Variants in GRIK2 observed in about 807,000 individuals in gnomAD.
GRIK2 encodes glutamate ionotropic receptor kainate type subunit 2, also known as glutamate receptor ionotropic, kainate 2.
GRIK2 carries 32 observed loss-of-function variants against 100.3 expected under a neutral mutation model. The observed-to-expected ratio is 0.32, with a 90% confidence interval of 0.24 to 0.43. GRIK2 has a LOEUF of 0.43. Among genes scored for constraint, GRIK2 ranks in the 20% least tolerant of loss-of-function variants. The pLI, the probability that GRIK2 is intolerant of heterozygous loss-of-function variation, is 1.00. For missense variants in GRIK2, 843 were observed against 1,114.9 expected (o/e 0.76, Z 3.47); for synonymous variants, 417 against 389.4 (o/e 1.07, Z -0.83).
Position 101,651,499 on chromosome 6 carries a change from T to C in GRIK2, c.541+24862T>C, listed in dbSNP as rs189891206. Among the ~76,000 whole-genome samples the C allele has an allele frequency of 3.2e-4, 49 of 152,240 alleles. No homozygotes were observed. In the Middle Eastern group the frequency reaches 0.02, roughly 63 times the overall value. Reference sequence around the variant, plus strand: ...GAATAAGAAATCAGTGTCATAAATATGTAAATTGTAGAGTATGTTAGAAGG... The same window carrying C: ...GAATAAGAAATCAGTGTCATAAATACGTAAATTGTAGAGTATGTTAGAAGG... On this transcript the variant is annotated intron_variant, in intron 4 of 16. Transcript: ENST00000369134.
At chr6:101,533,319 A>G (rs1468112708) in intron 2 of GRIK2, among the ~76,000 whole-genome samples, 1 of 151,922 alleles carries the variant, frequency 6.6e-6, no homozygotes, top group African/African-American at 2.4e-5. Context: ...AAGAAGTGCA[A>G]TTAAGAAGGG....
intron 2 of GRIK2, among the ~76,000 whole-genome samples, chr6:101,498,112 G>A (rs181521192): frequency 2.1e-4 from 30 of 143,924 alleles, no homozygotes; most frequent in Admixed American, 1.7e-3. Flanking sequence ...GTGAGAACAT[G>A]TGGTGTTTGG....
intron 12 of GRIK2, among the ~76,000 whole-genome samples, chr6:101,910,081 A>G (rs1788566842): frequency 6.6e-6 from 1 of 151,162 alleles, no homozygotes; most frequent in Admixed American, 6.6e-5. Context: ...TGAGTATTAA[A>G]CAGAATCACT....
chr6:101,857,944 ACTC>A (rs1217520611), intron 10 of GRIK2, among the ~76,000 whole-genome samples: 7 of 151,826 alleles, frequency 4.6e-5, no homozygotes, highest in African/African-American at 1.7e-4. Context: ...TTCCTGAAAC[ACTC>A]CAATATTATG....
At chr6:101,684,291 T>C (rs879547946) in intron 6 of GRIK2, among the ~76,000 whole-genome samples, 3 of 152,140 alleles carry the variant, frequency 2.0e-5, no homozygotes, top group Admixed American at 6.5e-5. Flanking sequence ...TATCTCTCAA[T>C]AGGGAAAATA....
At chr6:101,626,775 CA>C in intron 4 of GRIK2, 138 bp downstream of exon 4, 1 of 654,482 alleles carries the variant, frequency 1.5e-6, no homozygotes. Context: ...AAGACAGAAT[CA>C]AACACCAATC....
At chr6:101,708,174 C>T (rs563069570) in intron 7 of GRIK2, among the ~76,000 whole-genome samples, 5 of 151,816 alleles carry the variant, frequency 3.3e-5, no homozygotes, top group Admixed American at 6.6e-5. Flanking sequence ...ATCTTTTATT[C>T]CGTATTTAAC....
At position 101,488,518 on chromosome 6, in the gene GRIK2, G is replaced by T. The variant is rs987498638; in HGVS notation, c.115+89126G>T. On this transcript the variant is annotated intron_variant, in intron 2 of 16. Coordinates refer to ENST00000369134, the MANE Select transcript of GRIK2 (RefSeq NM_021956.5). ...AGGTTTATCAGAGAGATCATCAAGA[G>T]AATTATTTTCACTTTTGGGAATTGT... Among the ~76,000 whole-genome samples the T allele has an allele frequency of 2.7e-5, 4 of 146,614 alleles. 1 individual carries two copies. Among genetic ancestry groups the T allele is most frequent in the Admixed American group, 1.4e-4 (2 of 14,748 alleles).
chr6:101,637,494 A>C, intron 4 of GRIK2, among the ~76,000 whole-genome samples: 1 of 151,824 alleles, frequency 6.6e-6, no homozygotes, highest in African/African-American at 2.4e-5. Flanking sequence ...TAGACTTCCC[A>C]TTTTTATCTC....
intron 15 of GRIK2, among the ~76,000 whole-genome samples, chr6:102,042,946 G>GCC (rs1562133667): frequency 1.1e-4 from 16 of 151,688 alleles, no homozygotes; most frequent in Non-Finnish European, 2.2e-4. Flanking sequence ...ATTACAGGTT[G>GCC]ATAACATTTT....
chr6:101,839,779 C>G (rs1727684804), intron 10 of GRIK2, among the ~76,000 whole-genome samples: 1 of 151,976 alleles, frequency 6.6e-6, no homozygotes, highest in African/African-American at 2.4e-5. Context: ...GCAAATTGGA[C>G]TTTATGAAGT....
At chr6:101,655,100 C>G (rs1038836129) in intron 4 of GRIK2, among the ~76,000 whole-genome samples, 6 of 152,140 alleles carry the variant, frequency 3.9e-5, no homozygotes, top group African/African-American at 1.4e-4. Context: ...CAATTTTCCA[C>G]ATTTCTCTGA....
chr6:101,606,486 C>T (rs1712615328), intron 2 of GRIK2, among the ~76,000 whole-genome samples: 1 of 151,898 alleles, frequency 6.6e-6, no homozygotes, highest in African/African-American at 2.4e-5. Flanking sequence ...CATGAGCCTT[C>T]TTTCTCTTGA....
At chr6:101,849,678 A>C (rs1009525504) in intron 10 of GRIK2, among the ~76,000 whole-genome samples, 2 of 152,024 alleles carry the variant, frequency 1.3e-5, no homozygotes, top group Admixed American at 6.6e-5. Flanking sequence ...GAAGGAAATA[A>C]ATTATTTTCA....
intron 4 of GRIK2, among the ~76,000 whole-genome samples, chr6:101,631,770 C>A (rs1375160370): frequency 1.3e-5 from 2 of 152,066 alleles, no homozygotes; most frequent in Non-Finnish European, 2.9e-5. Flanking sequence ...AAAATCACCT[C>A]CCTCTGTCAG....
In GRIK2 at chr6:101,777,593, AT is replaced by A. The variant is rs368249616; in HGVS notation, c.952-22046del. On this transcript the variant is annotated intron_variant, in intron 7 of 16. Coordinates refer to ENST00000369134, the MANE Select transcript of GRIK2 (RefSeq NM_021956.5). ...AAAATGAGGAAACAAGGCAATAGGG[AT>A]TTTTTTTTATTATTTTCTTTAGTAA... Among the ~76,000 whole-genome samples, 224 of 151,844 alleles carry A rather than the reference AT, an allele frequency of 1.5e-3. 1 individual carries two copies. Among genetic ancestry groups the A allele is most frequent in the Non-Finnish European group, 2.4e-3 (161 of 67,896 alleles).
chr6:101,644,938 T>A (rs1781447373), intron 4 of GRIK2, among the ~76,000 whole-genome samples: 2 of 151,784 alleles, frequency 1.3e-5, no homozygotes, highest in South Asian at 4.1e-4. Flanking sequence ...CATTTTCTTC[T>A]CCATGCTATA....
intron 12 of GRIK2, among the ~76,000 whole-genome samples, chr6:101,903,319 A>G (rs1317729567): frequency 6.6e-6 from 1 of 151,740 alleles, no homozygotes; most frequent in African/African-American, 2.4e-5. Flanking sequence ...GCCCATAGGG[A>G]TTTATTGAAT....
At chr6:101,532,123 C>T (rs1775471468) in intron 2 of GRIK2, among the ~76,000 whole-genome samples, 1 of 151,834 alleles carries the variant, frequency 6.6e-6, no homozygotes, top group African/African-American at 2.4e-5. Flanking sequence ...GTGTTTTGGT[C>T]TATCTATCTA....
Sources: allele counts gnomAD v4.1 joint callset (sites outside exome capture counted in the v4.1 genomes callset), GRCh38; gene constraint gnomAD v4.1.1; transcripts MANE v1.5; gene names NCBI Gene and HGNC (gene_info 2026-07-23, HGNC 2026-07-21).